The following ZEB1 variants were observed in gnomAD, a reference collection of about 807,000 sequenced individuals.
The protein encoded by ZEB1 is zinc finger E-box binding homeobox 1.
Under a neutral mutation model 84.9 loss-of-function variants are expected in ZEB1, and 21 were observed. That is an observed-to-expected ratio of 0.25 (90% confidence interval 0.18 to 0.36). The LOEUF is 0.36. Among genes scored for constraint, ZEB1 ranks in the 10% least tolerant of loss-of-function variants. ZEB1 has a pLI of 1.00. For missense variants in ZEB1, 1,104 were observed against 1,330.2 expected, an observed-to-expected ratio of 0.83 and a Z score of 2.65; for synonymous variants, 420 against 471.1, an observed-to-expected ratio of 0.89 and a Z score of 1.41.
At chr10:31,460,215 C>A (rs1244796777) in intron 1 of ZEB1, among the ~76,000 whole-genome samples, 1 of 151,754 alleles carries the variant, frequency 6.6e-6, no homozygotes, top group African/African-American at 2.4e-5. Flanking sequence ...GCTTATACTC[C>A]TGGTTCTATG....
intron 1 of ZEB1, among the ~76,000 whole-genome samples, chr10:31,414,264 A>G (rs531776668): frequency 7.9e-5 from 12 of 152,344 alleles, no homozygotes; most frequent in East Asian, 1.9e-4. Context: ...TGTTTTTTCT[A>G]TCTTCTCAAC....
intron 1 of ZEB1, among the ~76,000 whole-genome samples, chr10:31,334,038 A>G (rs190002940): frequency 2.0e-5 from 3 of 152,210 alleles, no homozygotes; most frequent in Admixed American, 2.0e-4. Context: ...AAAATACATT[A>G]AGCAGAAACT....
chr10:31,442,744 A>G (rs1270839117), intron 1 of ZEB1, among the ~76,000 whole-genome samples: 1 of 152,178 alleles, frequency 6.6e-6, no homozygotes, highest in Non-Finnish European at 1.5e-5. Context: ...GGAAACTGAT[A>G]GAGTCAAGAG....
chr10:31,514,761 A>G, intron 6 of ZEB1, 53 bp downstream of exon 6: 2 of 1,389,678 alleles, frequency 1.4e-6, no homozygotes, highest in Non-Finnish European at 2.0e-6. Flanking sequence ...ATGTGGTAAT[A>G]AATAAATATC....
At chr10:31,511,962 G>A (rs1159475595) in intron 5 of ZEB1, among the ~76,000 whole-genome samples, 1 of 152,144 alleles carries the variant, frequency 6.6e-6, no homozygotes, top group Non-Finnish European at 1.5e-5. Context: ...AGATTTTATA[G>A]GTTTATGGTC....
chr10:31,433,904 A>G (rs2058009201), intron 1 of ZEB1, among the ~76,000 whole-genome samples: 1 of 152,198 alleles, frequency 6.6e-6, no homozygotes. Flanking sequence ...CCTTAGTATT[A>G]TTATAAAAAT....
intron 2 of ZEB1, among the ~76,000 whole-genome samples, chr10:31,494,385 CTG>C (rs370218027): frequency 3.3e-5 from 5 of 152,076 alleles, no homozygotes; most frequent in Non-Finnish European, 7.4e-5. Flanking sequence ...CATATTTTAA[CTG>C]TTTTTCCTAT....
intron 1 of ZEB1, among the ~76,000 whole-genome samples, chr10:31,367,482 A>G (rs1457306004): frequency 1.3e-5 from 2 of 152,214 alleles, no homozygotes; most frequent in African/African-American, 2.4e-5. Context: ...TACTTACTGC[A>G]CTTTTCTAGG....
chr10:31,518,619 A>G lies in ZEB1; in HGVS notation c.794-1507A>G, dbSNP rs370596488. Among the ~76,000 whole-genome samples the G allele has an allele frequency of 3.9e-5, 6 of 152,142 alleles. No individual in the cohort carries two copies. The South Asian group carries it at 1.0e-3, about 26-fold the overall frequency. ...AATGAGAATGTATCTGCATTTGCAC[A>G]TTGAAAAACTAAGGCTTGGACAGGT... On this transcript the variant is annotated intron_variant, in intron 6 of 8. Coordinates refer to ENST00000424869, the MANE Select transcript of ZEB1 (RefSeq NM_001174096.2).
intron 1 of ZEB1, among the ~76,000 whole-genome samples, chr10:31,382,376 C>T (rs952509726): frequency 2.6e-5 from 4 of 152,056 alleles, no homozygotes; most frequent in African/African-American, 9.7e-5. Context: ...AAGAGGAATA[C>T]TGAACAAATA....
chr10:31,446,468 T>C (rs1316184200), intron 1 of ZEB1, among the ~76,000 whole-genome samples: 3 of 150,678 alleles, frequency 2.0e-5, no homozygotes, highest in Admixed American at 2.0e-4. Context: ...TTGAATGTGT[T>C]TGCTCTTGCT....
chr10:31,495,378 C>G (rs1040411989), intron 2 of ZEB1, among the ~76,000 whole-genome samples: 3 of 151,928 alleles, frequency 2.0e-5, no homozygotes, highest in Non-Finnish European at 2.9e-5. Flanking sequence ...ATTTATAATT[C>G]CAGAATATCT....
intron 1 of ZEB1, among the ~76,000 whole-genome samples, chr10:31,342,987 T>C (rs1361021890): frequency 6.6e-6 from 1 of 152,168 alleles, no homozygotes; most frequent in African/African-American, 2.4e-5. Flanking sequence ...GCAGCACATC[T>C]CACCTCTTTG....
chr10:31,375,236 A>G (rs2046423871), intron 1 of ZEB1, among the ~76,000 whole-genome samples: 1 of 151,824 alleles, frequency 6.6e-6, no homozygotes, highest in Admixed American at 6.6e-5. Context: ...GAGTTCAAGT[A>G]TTCTGATTTG....
At chr10:31,329,637 A>T (rs530657756) in intron 1 of ZEB1, among the ~76,000 whole-genome samples, 1 of 152,302 alleles carries the variant, frequency 6.6e-6, no homozygotes, top group South Asian at 2.1e-4. Context: ...CAAAATTGCA[A>T]ACTGCTTGTA....
intron 1 of ZEB1, among the ~76,000 whole-genome samples, chr10:31,336,020 A>G (rs894710279): frequency 7.9e-5 from 12 of 152,140 alleles, no homozygotes; most frequent in African/African-American, 2.9e-4. Context: ...CAACGTGCTC[A>G]ATATCTTTAT....
intron 1 of ZEB1, among the ~76,000 whole-genome samples, chr10:31,336,088 A>G (rs1162916408): frequency 6.6e-6 from 1 of 152,184 alleles, no homozygotes; most frequent in African/African-American, 2.4e-5. Context: ...ATAATGTACC[A>G]TGTTTATAAA....
intron 1 of ZEB1, among the ~76,000 whole-genome samples, chr10:31,442,613 G>A (rs548522618): frequency 1.6e-4 from 25 of 151,928 alleles, no homozygotes; most frequent in Admixed American, 5.9e-4. Flanking sequence ...GATAATTTGG[G>A]ATTCATAGGA....
chr10:31,424,781 T>A (rs978251100), intron 1 of ZEB1, among the ~76,000 whole-genome samples: 1 of 152,010 alleles, frequency 6.6e-6, no homozygotes, highest in Non-Finnish European at 1.5e-5. Context: ...TTTGTTGATA[T>A]AATATATTGC....
Sources: gnomAD v4.1 joint callset for allele counts (sites outside exome capture counted in the v4.1 genomes callset) on GRCh38, gnomAD v4.1.1 for gene constraint, MANE v1.5 for transcripts, NCBI Gene and HGNC (gene_info 2026-07-23, HGNC 2026-07-21) for gene names.